IQCM: variants seen among roughly 807,000 people sequenced by gnomAD.
IQCM encodes the protein IQ motif containing M.
In IQCM, 45 loss-of-function variants were observed where a neutral mutation model predicts 57.6. That is an observed-to-expected ratio of 0.78 (90% CI 0.62 to 1.00). The LOEUF is 1.00. IQCM is among the 50% of genes least tolerant of loss of function. The pLI is 0.00. For missense variants in IQCM, 468 were observed against 511.6 expected (o/e 0.91, Z 0.82); for synonymous variants, 148 against 158.9 (o/e 0.93, Z 0.51).
At chr4:149,628,852 T>G (rs2150088331) in intron 7 of IQCM, among the ~76,000 whole-genome samples, 1 of 152,302 alleles carries the variant, frequency 6.6e-6, no homozygotes, top group Non-Finnish European at 1.5e-5. Flanking sequence ...TATTCTCAAA[T>G]TTCTTCTGTG....
intron 7 of IQCM, among the ~76,000 whole-genome samples, chr4:149,669,088 C>T (rs1318772830): frequency 1.3e-5 from 2 of 152,124 alleles, no homozygotes; most frequent in African/African-American, 2.4e-5. Flanking sequence ...GTTTACAGTC[C>T]CACCAACAGT....
chr4:149,397,447 T>A (rs1732306770), intron 13 of IQCM, among the ~76,000 whole-genome samples: 1 of 151,946 alleles, frequency 6.6e-6, no homozygotes, highest in African/African-American at 2.4e-5. Flanking sequence ...ATTTCCCCCA[T>A]TGCTGTGCTC....
At chr4:149,808,017 C>CA (rs373463035) in intron 2 of IQCM, among the ~76,000 whole-genome samples, 1 of 152,006 alleles carries the variant, frequency 6.6e-6, no homozygotes, top group African/African-American at 2.4e-5. Context: ...GGAAGTTTCT[C>CA]AAAAAACTAA....
chr4:149,590,334 A>G (rs1753034755), intron 8 of IQCM, among the ~76,000 whole-genome samples: 1 of 120,608 alleles, frequency 8.3e-6, no homozygotes, highest in Admixed American at 1.1e-4. Flanking sequence ...TCTAAGTCTT[A>G]GTCTTCTACA....
Position 149,383,018 on chromosome 4 carries a change from T to C in IQCM, c.1391-30952A>G, listed in dbSNP as rs1478293265. ...AAAAAAAAAAAAAAAAGAAAAATTATACTGAGGCATCAATACCCTGAAACA... is the reference window on the plus strand; with the variant it reads ...AAAAAAAAAAAAAAAAGAAAAATTACACTGAGGCATCAATACCCTGAAACA... On this transcript the variant is annotated intron_variant, in intron 13 of 13. Coordinates refer to ENST00000636793, the MANE Select transcript of IQCM (RefSeq NM_001363507.2). Among the ~76,000 whole-genome samples the C allele has an allele frequency of 3.3e-5, 5 of 150,432 alleles. No homozygotes were observed. In the East Asian group the frequency reaches 9.8e-4, roughly 29 times the overall value.
chr4:149,518,881 G>C (rs954008191), intron 12 of IQCM, among the ~76,000 whole-genome samples: 1 of 152,156 alleles, frequency 6.6e-6, no homozygotes, highest in African/African-American at 2.4e-5. Context: ...AGCAACAAGG[G>C]AGGCACTCTT....
intron 12 of IQCM, among the ~76,000 whole-genome samples, chr4:149,434,858 G>C (rs577957470): frequency 2.6e-5 from 4 of 151,882 alleles, no homozygotes; most frequent in Non-Finnish European, 5.9e-5. Context: ...CCCATCACTG[G>C]GCGCTTCCTA....
Position 149,715,132 on chromosome 4 carries a change from G to A in IQCM, c.385+18112C>T, listed in dbSNP as rs560855703. ...TCACCAGCCAGAAACCTCTGTGGCT[G>A]GTGGTGCCTTTGCCTGAGTTTTGCT... On this transcript the variant is annotated intron_variant, in intron 5 of 13. Transcript: ENST00000636793. Among the ~76,000 whole-genome samples the A allele has an allele frequency of 3.3e-5, 5 of 152,286 alleles. No individual in the cohort carries two copies. In the South Asian group the frequency reaches 8.3e-4, roughly 25 times the overall value.
intron 5 of IQCM, among the ~76,000 whole-genome samples, chr4:149,702,953 C>T (rs1026439557): frequency 1.3e-5 from 2 of 151,854 alleles, no homozygotes; most frequent in African/African-American, 4.8e-5. Context: ...TTCAAATATT[C>T]TGACAAGAAA....
At chr4:149,417,683 A>T (rs1733840589) in intron 13 of IQCM, among the ~76,000 whole-genome samples, 1 of 152,094 alleles carries the variant, frequency 6.6e-6, no homozygotes. Context: ...TGTACAATTG[A>T]GTCATCCCTC....
At chr4:149,621,366 A>T (rs947790531) in intron 7 of IQCM, 122 bp from the exon 8 acceptor site, 2 of 411,982 alleles carry the variant, frequency 4.9e-6, no homozygotes, top group African/African-American at 4.1e-5. Flanking sequence ...ATTCTGTATT[A>T]AAATCACATC....
intron 12 of IQCM, among the ~76,000 whole-genome samples, chr4:149,455,991 A>C (rs555763555): frequency 1.3e-5 from 2 of 152,120 alleles, no homozygotes; most frequent in South Asian, 4.1e-4. Context: ...AATAAAAATA[A>C]AATTTTAAAA....
At chr4:149,432,267 A>G (rs1313380131) in intron 13 of IQCM, among the ~76,000 whole-genome samples, 1 of 151,898 alleles carries the variant, frequency 6.6e-6, no homozygotes, top group Non-Finnish European at 1.5e-5. Flanking sequence ...GAGAAGTAGT[A>G]TTTCACTGTA....
chr4:149,364,059 G>A (rs1009121978), intron 13 of IQCM, among the ~76,000 whole-genome samples: 2 of 152,066 alleles, frequency 1.3e-5, no homozygotes, highest in Non-Finnish European at 1.5e-5. Context: ...TTATGTAATG[G>A]CATAAGAACC....
intron 12 of IQCM, among the ~76,000 whole-genome samples, chr4:149,509,958 C>T (rs929497302): frequency 6.6e-6 from 1 of 151,954 alleles, no homozygotes; most frequent in Non-Finnish European, 1.5e-5. Context: ...GCAATATCTA[C>T]CCTTATTTTA....
chr4:149,412,449 C>A (rs1451920376), intron 13 of IQCM, among the ~76,000 whole-genome samples: 1 of 151,984 alleles, frequency 6.6e-6, no homozygotes, highest in African/African-American at 2.4e-5. Flanking sequence ...GTGCACTGAC[C>A]AAATTTCAAA....
chr4:149,631,018 T>C (rs927224942), intron 7 of IQCM, among the ~76,000 whole-genome samples: 1 of 152,088 alleles, frequency 6.6e-6, no homozygotes, highest in Non-Finnish European at 1.5e-5. Context: ...GTGCAAGCAA[T>C]ATGGTTTTTG....
At chr4:149,765,385 T>G (rs923016554) in intron 2 of IQCM, among the ~76,000 whole-genome samples, 1 of 152,178 alleles carries the variant, frequency 6.6e-6, no homozygotes, top group African/African-American at 2.4e-5. Flanking sequence ...AGAATCTCTG[T>G]GCTTATGAAA....
At chr4:149,355,005 A>G (rs1404244706) in intron 13 of IQCM, among the ~76,000 whole-genome samples, 1 of 152,112 alleles carries the variant, frequency 6.6e-6, no homozygotes, top group Non-Finnish European at 1.5e-5. Context: ...TAATGATAAT[A>G]CTGAAAGCTT....
Sources: gnomAD v4.1 joint callset for allele counts (sites outside exome capture counted in the v4.1 genomes callset) on GRCh38, gnomAD v4.1.1 for gene constraint, MANE v1.5 for transcripts, NCBI Gene and HGNC (gene_info 2026-07-23, HGNC 2026-07-21) for gene names.